The following NEXMIF variants were observed in gnomAD, a reference collection of about 807,000 sequenced individuals.
The protein encoded by NEXMIF is neurite extension and migration factor, also known as XLMR protein related to neurite extension.
Under a neutral mutation model 62.1 loss-of-function variants are expected in NEXMIF, and 8 were observed. The ratio of observed to expected loss-of-function variants is 0.13; its 90% CI spans 0.08 to 0.23. The LOEUF (loss-of-function observed/expected upper bound fraction) is 0.23. NEXMIF is among the 10% of genes least tolerant of loss of function. NEXMIF has a pLI of 1.00. For missense variants in NEXMIF, 976 were observed against 1,113.3 expected (o/e 0.88, Z 1.75); for synonymous variants, 404 against 416.6 (o/e 0.97, Z 0.37).
chrX:74,802,637 C>A (rs766876739), intron 1 of NEXMIF, among the ~76,000 whole-genome samples: 117 of 110,373 alleles, frequency 1.1e-3, no homozygotes, highest in Non-Finnish European at 1.3e-3. Context: ...AAATATACAA[C>A]TCTTCAATGT....
At chrX:74,881,916 C>A (rs2080666125) in intron 1 of NEXMIF, among the ~76,000 whole-genome samples, 2 of 111,593 alleles carry the variant, frequency 1.8e-5, no homozygotes, top group Non-Finnish European at 3.8e-5. Flanking sequence ...AGTAGTGAGT[C>A]TTTTCCGTGA....
At chrX:74,739,767 C>T (rs1035704146) in intron 3 of NEXMIF, among the ~76,000 whole-genome samples, 1 of 110,401 alleles carries the variant, frequency 9.1e-6, no homozygotes. Flanking sequence ...TACTGCAAAG[C>T]CTTTCACTTC....
At chrX:74,874,466 G>A (rs2080619928) in intron 1 of NEXMIF, among the ~76,000 whole-genome samples, 2 of 111,058 alleles carry the variant, frequency 1.8e-5, no homozygotes, top group South Asian at 7.7e-4. Context: ...GGATTGACTT[G>A]GTGATGTGGG....
chrX:74,732,933 T>C lies in NEXMIF; in HGVS notation c.*6472A>G, dbSNP rs1602208453. The C allele has an allele frequency of 4.5e-5, 5 of 111,883 alleles. No individual in the cohort carries two copies. In the Admixed American group the frequency reaches 4.7e-4, roughly 11 times the overall value. 9.2% of individuals were successfully genotyped at this position (111,883 alleles called of 1,213,427 possible). On this transcript the variant is annotated 3_prime_UTR_variant, in exon 4 of 4. Transcript: ENST00000055682. ...GAGGACTGCATCTCTGCAGATTCCATCTGGATCACAAAACAAAGACACAAT... is the reference window on the plus strand; with the variant it reads ...GAGGACTGCATCTCTGCAGATTCCACCTGGATCACAAAACAAAGACACAAT...
At chrX:74,917,576 A>T (rs1467913802) in intron 1 of NEXMIF, among the ~76,000 whole-genome samples, 2 of 111,516 alleles carry the variant, frequency 1.8e-5, no homozygotes, top group African/African-American at 6.5e-5. Context: ...AGGATGAAAT[A>T]CATTAACTCT....
intron 1 of NEXMIF, among the ~76,000 whole-genome samples, chrX:74,834,965 A>G (rs919630708): frequency 1.8e-5 from 2 of 111,545 alleles, no homozygotes; most frequent in Non-Finnish European, 3.8e-5. Context: ...GCTGTTTTCT[A>G]GATATTGTAG....
intron 1 of NEXMIF, among the ~76,000 whole-genome samples, chrX:74,792,185 C>G (rs1189215544): frequency 9.0e-6 from 1 of 111,383 alleles, no homozygotes; most frequent in Non-Finnish European, 1.9e-5. Flanking sequence ...TCTTTGTTCT[C>G]ATTGGTTTCA....
At chrX:74,786,130 G>A (rs371234104) in intron 1 of NEXMIF, among the ~76,000 whole-genome samples, 4 of 111,832 alleles carry the variant, frequency 3.6e-5, no homozygotes, top group African/African-American at 9.7e-5. Context: ...TCCACTGAGC[G>A]AGGGAAATGG....
intron 1 of NEXMIF, among the ~76,000 whole-genome samples, chrX:74,787,771 T>G (rs1336671391): frequency 8.9e-6 from 1 of 112,175 alleles, no homozygotes; most frequent in African/African-American, 3.2e-5. Flanking sequence ...AGGGCAAGGT[T>G]GAAAAAAACC....
intron 1 of NEXMIF, among the ~76,000 whole-genome samples, chrX:74,886,990 A>G (rs181363232): frequency 8.9e-6 from 1 of 111,760 alleles, no homozygotes; most frequent in African/African-American, 3.3e-5. Context: ...CTCAGAAATA[A>G]TGCCGCGTAT....
chrX:74,766,627 G>C (rs1423416098), intron 1 of NEXMIF, among the ~76,000 whole-genome samples: 1 of 111,618 alleles, frequency 9.0e-6, no homozygotes. Flanking sequence ...GTCAGCTCCT[G>C]TATCATTTTA....
chrX:74,888,179 A>T, intron 1 of NEXMIF, among the ~76,000 whole-genome samples: 1 of 109,416 alleles, frequency 9.1e-6, no homozygotes. Context: ...TAGGAGATAT[A>T]CCTAATGCTA....
chrX:74,816,185 C>A (rs1033573308), intron 1 of NEXMIF, among the ~76,000 whole-genome samples: 1 of 111,923 alleles, frequency 8.9e-6, no homozygotes, highest in Non-Finnish European at 1.9e-5. Flanking sequence ...AGAGTACGTA[C>A]TACCTTTGAA....
At chrX:74,840,570 C>CT (rs1295634814) in intron 1 of NEXMIF, among the ~76,000 whole-genome samples, 1 of 111,873 alleles carries the variant, frequency 8.9e-6, no homozygotes, top group Non-Finnish European at 1.9e-5. Context: ...ATTCCTATGT[C>CT]TAGGATGGTA....
chrX:74,822,195 T>C (rs1166413636), intron 1 of NEXMIF, among the ~76,000 whole-genome samples: 1 of 111,714 alleles, frequency 9.0e-6, no homozygotes, highest in African/African-American at 3.3e-5. Flanking sequence ...TAACACAAAG[T>C]GAATCAAAGA....
chrX:74,849,324 C>A (rs1251546182), intron 1 of NEXMIF, among the ~76,000 whole-genome samples: 1 of 112,495 alleles, frequency 8.9e-6, no homozygotes, highest in Non-Finnish European at 1.9e-5. Context: ...TGGGTGGGAG[C>A]CCAGAGAGGC....
chrX:74,787,143 C>T (rs2080263371), intron 1 of NEXMIF, among the ~76,000 whole-genome samples: 3 of 104,186 alleles, frequency 2.9e-5, no homozygotes, highest in Non-Finnish European at 3.9e-5. Flanking sequence ...ATTAGCCAGG[C>T]GTGGTGGTGG....
chrX:74,763,557 C>A lies in NEXMIF; in HGVS notation c.-47-17860G>T, dbSNP rs187659987. 3.2e-3 allele frequency among the ~76,000 whole-genome samples: 359 copies of A among 111,690 alleles called. 2 individuals are homozygous for A. Among genetic ancestry groups the A allele is most frequent in the African/African-American group, 0.011 (344 of 30,741 alleles). ...CATTGAATCTATAAATTACCTTGGG[C>A]AGTATGGCCATTTTCACAATATTGA... On this transcript the variant is annotated intron_variant, in intron 1 of 3. Coordinates refer to ENST00000055682, the MANE Select transcript of NEXMIF (RefSeq NM_001008537.3).
In NEXMIF at chrX:74,742,264, G is replaced by T. The variant is rs1432847439; in HGVS notation, c.2293C>A (p.Pro765Thr). ...SKANLKNEVI[P>T]GTSNSSRLSE... ...AGACGGGAACTGTTTGATGTCCCAGGAATAACTTCATTCTTTAAATTAGCC... is the reference window on the plus strand; with the variant it reads ...AGACGGGAACTGTTTGATGTCCCAGTAATAACTTCATTCTTTAAATTAGCC... Residue 765 changes from proline (P) to threonine (T), a missense_variant, in exon 3 of 4, where the codon CCT (proline) becomes ACT (threonine). Pro to Thr is a conservative substitution (Grantham distance 38). This residue lies in a region of NEXMIF where 639 missense variants were observed against 694.5 expected (regional missense o/e 0.92). Transcript: ENST00000055682. 8.3e-7 allele frequency: 1 copy of T among 1,211,540 alleles called. No homozygotes were observed. The highest frequency in any genetic ancestry group is 1.1e-6 in the Non-Finnish European group (1 of 895,250).
Sources: gnomAD v4.1 joint callset for allele counts (sites outside exome capture counted in the v4.1 genomes callset) on GRCh38, gnomAD v4.1.1 for gene constraint, gnomAD v4.1.1 regional missense constraint, MANE v1.5 for transcripts, NCBI Gene and HGNC (gene_info 2026-07-23, HGNC 2026-07-21) for gene names.